Variants in ZNF185 observed in about 807,000 individuals in gnomAD.
ZNF185 encodes the protein zinc finger protein 185.
Under a neutral mutation model 58.6 loss-of-function variants are expected in ZNF185, and 56 were observed. The ratio of observed to expected loss-of-function variants is 0.95; its 90% CI spans 0.77 to 1.19. The LOEUF is 1.19. ZNF185 is among the 50% of genes most tolerant of loss of function. ZNF185 has a pLI of 0.00. For missense variants in ZNF185, 627 were observed against 573.5 expected (o/e 1.09, Z -0.95); for synonymous variants, 230 against 215.9 (o/e 1.07, Z -0.57).
At chrX:152,903,801 G>C in the ZNF185 span, among the ~76,000 whole-genome samples, 1 of 111,687 alleles carries the variant, frequency 9.0e-6, no homozygotes, top group Non-Finnish European at 1.9e-5. Context: ...GGAATCCCGA[G>C]GCCCCAAGGA....
intron 21 of ZNF185, among the ~76,000 whole-genome samples, chrX:152,969,722 A>G (rs1218869531): frequency 8.9e-6 from 1 of 112,517 alleles, no homozygotes; most frequent in Admixed American, 9.4e-5. Flanking sequence ...TGTAGGGAAG[A>G]CAAAAGAGGT....
the ZNF185 span, among the ~76,000 whole-genome samples, chrX:152,907,093 G>C: frequency 2.7e-5 from 3 of 110,613 alleles, no homozygotes; most frequent in African/African-American, 9.8e-5. Flanking sequence ...AACTTTCTCT[G>C]AGTTAGTCCT....
At chrX:152,945,639 C>T (rs1410706105) in intron 16 of ZNF185, among the ~76,000 whole-genome samples, 175 bp downstream of exon 18, 1 of 111,819 alleles carries the variant, frequency 8.9e-6, no homozygotes, top group Non-Finnish European at 1.9e-5. Flanking sequence ...GCAGTGTCAT[C>T]AGGCTTCTTG....
At chrX:152,901,147 C>T in the ZNF185 span, among the ~76,000 whole-genome samples, 1 of 112,448 alleles carries the variant, frequency 8.9e-6, no homozygotes, top group Non-Finnish European at 1.9e-5. Context: ...AGTATCTACC[C>T]ACATTTAAAG....
At chrX:152,965,561 C>G (rs782809248) in intron 19 of ZNF185, 34 bp downstream of exon 21, 9 of 1,095,181 alleles carry the variant, frequency 8.2e-6, no homozygotes, top group Non-Finnish European at 1.1e-5. Context: ...CCATGTCGGC[C>G]TTCTCCTGCC....
chrX:152,915,487 G>A lies in ZNF185; in HGVS notation c.224+284G>A, dbSNP rs183084968. Among the ~76,000 whole-genome samples, 23 of 112,769 alleles carry A rather than the reference G, an allele frequency of 2.0e-4. No homozygotes were observed. The Admixed American group carries it at 2.1e-3, about 10-fold the overall frequency. ...CTGCTGGGCCTCCGTGGCTCCAGCT[G>A]TTAACTGGGATTGAAATTGTCTTTA... is the stretch of plus-strand genomic sequence containing the variant. On this transcript the variant is annotated intron_variant, in intron 3 of 22. Transcript: ENST00000449285.
At chrX:152,947,640 G>A (rs1156425297) in intron 16 of ZNF185, among the ~76,000 whole-genome samples, 3 of 112,631 alleles carry the variant, frequency 2.7e-5, no homozygotes, top group Non-Finnish European at 3.8e-5. Flanking sequence ...GTTGAGCAAA[G>A]ATCTGACCTG....
At chrX:152,903,427 A>AAAG in the ZNF185 span, among the ~76,000 whole-genome samples, 1 of 108,098 alleles carries the variant, frequency 9.3e-6, no homozygotes, top group Non-Finnish European at 1.9e-5. Context: ...AAAAGGAAAA[A>AAAG]AAAGAAAGAA....
At position 152,965,534 on chromosome X, in the gene ZNF185, G is replaced by A; in HGVS notation, c.1799+7G>A. 8.5e-7 allele frequency: 1 copy of A among 1,173,978 alleles called. No individual in the cohort carries two copies. Among genetic ancestry groups the A allele is most frequent in the Non-Finnish European group, 1.1e-6 (1 of 873,756 alleles). On this transcript the variant is annotated splice_region_variant and intron_variant, in intron 19 of 22. Coordinates refer to ENST00000449285, the Ensembl canonical transcript of ZNF185. ...TATCTGCACGCTATAGCAAGTAAGA[G>A]CGGGTCCCAAACCCTTCCATGTCGG...
intron 16 of ZNF185, among the ~76,000 whole-genome samples, chrX:152,946,539 A>T (rs1216953724): frequency 8.9e-6 from 1 of 111,857 alleles, no homozygotes; most frequent in Non-Finnish European, 1.9e-5. Flanking sequence ...TGGCTTCTAG[A>T]ACTAGTCAGT....
chrX:152,922,635 A>C lies in ZNF185; in HGVS notation c.741-85A>C. 1.1e-5 allele frequency: 10 copies of C among 897,964 alleles called. No individual in the cohort carries two copies. The South Asian group carries it at 2.4e-4, about 21-fold the overall frequency. 74.0% of individuals were successfully genotyped at this position (897,964 alleles called of 1,213,427 possible). A position where few individuals can be genotyped will look rare whatever the true frequency, so the allele number is the denominator to read the frequency against. ...TGCCATTGTCAGACTTGCTCCTTGC[A>C]CTCCAATAAGTTAGCCACATTCAGC... On this transcript the variant is annotated intron_variant, in intron 10 of 22. Transcript: ENST00000449285.
At position 152,917,266 on chromosome X, in the gene ZNF185, C is replaced by T. The variant is rs1938689786; in HGVS notation, c.264-19C>T. 8.3e-7 allele frequency: 1 copy of T among 1,209,798 alleles called. No individual in the cohort carries two copies. Among genetic ancestry groups the T allele is most frequent in the Non-Finnish European group, 1.1e-6 (1 of 895,008 alleles). ...GTCCCTCCAGGGAGCTCACCGGCAT[C>T]TCCTGGGCTCTCTTTCAGGGGAGTG... is the stretch of plus-strand genomic sequence containing the variant. On this transcript the variant is annotated intron_variant, in intron 4 of 22. Transcript: ENST00000449285.
At position 152,945,248 on chromosome X, in the gene ZNF185, G is replaced by T; in HGVS notation, c.1212-19G>T. On this transcript the variant is annotated intron_variant, in intron 15 of 22. Coordinates refer to ENST00000449285, the Ensembl canonical transcript of ZNF185. ...AGTTTCAGAGCACTTTTTTCATAAG[G>T]GTGCTTATTCTTCTTCAGGGCCTTG... 1 of 1,192,617 alleles carries T rather than the reference G, an allele frequency of 8.4e-7. No homozygotes were observed. The highest frequency in any genetic ancestry group is 1.8e-5 in the African/African-American group (1 of 56,658).
At chrX:152,912,514 G>A (rs1482261455), upstream of ZNF185, among the ~76,000 whole-genome samples, 1 of 111,928 alleles carries the variant, frequency 8.9e-6, no homozygotes, top group African/African-American at 3.2e-5. Context: ...CTGGTACTGG[G>A]CCTGGGATGG....
In ZNF185 at chrX:152,963,966, A is replaced by G. The variant is rs1220114741; in HGVS notation, c.1718+17A>G. On this transcript the variant is annotated intron_variant, in intron 18 of 22. Coordinates refer to ENST00000449285, the Ensembl canonical transcript of ZNF185. ...CTCTACCACGTAAGAAGGGCTATCT[A>G]GCAACCTGGGAGATGTTCCTCCGCC... 8.4e-7 allele frequency: 1 copy of G among 1,189,715 alleles called. No individual in the cohort carries two copies. The highest frequency in any genetic ancestry group is 1.8e-5 in the African/African-American group (1 of 56,992).
exon 1 of ZNF185, chrX:152,914,478 G>A (rs782517181): frequency 7.6e-6 from 9 of 1,179,239 alleles, no homozygotes; most frequent in African/African-American, 3.6e-5. Flanking sequence ...GGAGAGCTGC[G>A]GAGCAATCAC....
At chrX:152,921,825 C>G (rs1157407295) in intron 9 of ZNF185, among the ~76,000 whole-genome samples, 2 of 111,546 alleles carry the variant, frequency 1.8e-5, no homozygotes, top group Admixed American at 1.9e-4. Flanking sequence ...CTCTGTGTGT[C>G]TGTGTCCAGA....
At chrX:152,930,407 G>A (rs1054062689) in intron 12 of ZNF185, among the ~76,000 whole-genome samples, 1 of 112,090 alleles carries the variant, frequency 8.9e-6, no homozygotes, top group Non-Finnish European at 1.9e-5. Flanking sequence ...CTGAAATCAT[G>A]AGCGTAAACT....
At chrX:152,939,373 A>G (rs2046872142) in intron 15 of ZNF185, among the ~76,000 whole-genome samples, 1 of 112,094 alleles carries the variant, frequency 8.9e-6, no homozygotes, top group African/African-American at 3.2e-5. Flanking sequence ...GCAACTTGTG[A>G]GATGGGTAAG....
Sources: allele counts gnomAD v4.1 joint callset (sites outside exome capture counted in the v4.1 genomes callset), GRCh38; gene constraint gnomAD v4.1.1; transcripts MANE v1.5; gene names NCBI Gene and HGNC (gene_info 2026-07-23, HGNC 2026-07-21).